The following GPC3 variants were observed in gnomAD, a reference collection of about 807,000 sequenced individuals.
GPC3 encodes glypican 3.
In GPC3, 3 loss-of-function variants were observed where a neutral mutation model predicts 34.4. The observed-to-expected ratio is 0.09, with a 90% CI of 0.04 to 0.23. The LOEUF is 0.23. Among genes scored for constraint, GPC3 ranks in the 10% least tolerant of loss-of-function variants. The pLI, the probability that GPC3 is intolerant of heterozygous loss-of-function variation, is 1.00. For missense variants in GPC3, 351 were observed against 445.6 expected, an observed-to-expected ratio of 0.79 and a Z score of 1.91; for synonymous variants, 177 against 174.0, an observed-to-expected ratio of 1.02 and a Z score of -0.13.
chrX:133,570,254 T>C (rs1432365874), intron 7 of GPC3, among the ~76,000 whole-genome samples: 1 of 110,106 alleles, frequency 9.1e-6, no homozygotes, highest in Non-Finnish European at 1.9e-5. Flanking sequence ...CAGGCTGGAG[T>C]GCAATGGCGT....
intron 6 of GPC3, among the ~76,000 whole-genome samples, chrX:133,652,034 G>A (rs2070609287): frequency 8.9e-6 from 1 of 111,960 alleles, no homozygotes; most frequent in Non-Finnish European, 1.9e-5. Context: ...TTGCTTCCAA[G>A]AGCTCATGCT....
chrX:133,797,603 C>T (rs974334686), intron 2 of GPC3, among the ~76,000 whole-genome samples: 6 of 111,098 alleles, frequency 5.4e-5, no homozygotes, highest in African/African-American at 9.8e-5. Flanking sequence ...CCAAGGCAGG[C>T]GGATCACTTG....
intron 2 of GPC3, among the ~76,000 whole-genome samples, chrX:133,790,572 C>T (rs2072150614): frequency 9.0e-6 from 1 of 111,514 alleles, no homozygotes; most frequent in African/African-American, 3.3e-5. Flanking sequence ...TCCAAAAATG[C>T]TGACTTAAAA....
chrX:133,776,176 A>G (rs1427231324), intron 2 of GPC3, among the ~76,000 whole-genome samples: 2 of 112,020 alleles, frequency 1.8e-5, no homozygotes, highest in Non-Finnish European at 3.8e-5. Context: ...TATATAGCAG[A>G]AAACTGAGGA....
At chrX:133,947,934 TC>T (rs1027143193) in intron 2 of GPC3, among the ~76,000 whole-genome samples, 18 of 111,546 alleles carry the variant, frequency 1.6e-4, no homozygotes, top group African/African-American at 5.9e-4. Context: ...AATTATTCTC[TC>T]CCATACATTA....
chrX:133,925,934 C>A (rs2076272946), intron 2 of GPC3, among the ~76,000 whole-genome samples: 1 of 111,387 alleles, frequency 9.0e-6, no homozygotes, highest in African/African-American at 3.3e-5. Flanking sequence ...AACATAAGAA[C>A]TAGCAACTAA....
chrX:133,648,092 T>C (rs184235798), intron 6 of GPC3, among the ~76,000 whole-genome samples: 37 of 112,001 alleles, frequency 3.3e-4, no homozygotes, highest in Admixed American at 6.6e-4. Context: ...CAGCCTCTCC[T>C]ATGTCCTGGC....
intron 2 of GPC3, among the ~76,000 whole-genome samples, chrX:133,882,754 A>C (rs763286318): frequency 8.9e-6 from 1 of 111,935 alleles, no homozygotes; most frequent in African/African-American, 3.2e-5. Context: ...CAACTTCTGC[A>C]AAGAGGAAGG....
chrX:133,918,072 C>T (rs758088758), intron 2 of GPC3, among the ~76,000 whole-genome samples: 1 of 111,912 alleles, frequency 8.9e-6, no homozygotes, highest in East Asian at 2.8e-4. Flanking sequence ...AAATTGTATC[C>T]AGGGTTAGAA....
intron 2 of GPC3, among the ~76,000 whole-genome samples, chrX:133,792,721 C>T (rs1232841466): frequency 9.0e-6 from 1 of 111,622 alleles, no homozygotes; most frequent in Non-Finnish European, 1.9e-5. Context: ...ATGTCAGGAC[C>T]GGCGCCTAAC....
chrX:133,585,555 C>T (rs781203959), intron 7 of GPC3, among the ~76,000 whole-genome samples: 1 of 111,896 alleles, frequency 8.9e-6, no homozygotes, highest in Non-Finnish European at 1.9e-5. Flanking sequence ...TCTCTTTCTG[C>T]TATGCTATTT....
intron 6 of GPC3, among the ~76,000 whole-genome samples, chrX:133,605,043 C>T (rs1007210569): frequency 8.9e-6 from 1 of 111,805 alleles, no homozygotes; most frequent in Non-Finnish European, 1.9e-5. Flanking sequence ...CGTGCACACT[C>T]TCTTTGAACG....
In GPC3 at chrX:133,762,983, G is replaced by A. The variant is rs1362975199; in HGVS notation, c.338-8807C>T. 9 of 691,740 alleles carry A rather than the reference G, an allele frequency of 1.3e-5. No homozygotes were observed. In the East Asian group the frequency reaches 2.6e-4, roughly 20 times the overall value. 57.0% of individuals were successfully genotyped at this position (691,740 alleles called of 1,213,427 possible). A position where few individuals can be genotyped will look rare whatever the true frequency, so the allele number is the denominator to read the frequency against. On this transcript the variant is annotated intron_variant, in intron 2 of 7. Coordinates refer to ENST00000370818, the MANE Select transcript of GPC3 (RefSeq NM_004484.4). ...TGGGAGAATCTTCTGCTGGCAGCTC[G>A]TACCATTGTTGCCATTGAAAACCCT...
intron 5 of GPC3, among the ~76,000 whole-genome samples, chrX:133,676,616 C>T (rs1159886114): frequency 8.9e-6 from 1 of 112,432 alleles, no homozygotes; most frequent in African/African-American, 3.2e-5. Flanking sequence ...CCTGCTGGAA[C>T]AAGTGGCCTA....
At chrX:133,624,864 A>T (rs1472868383) in intron 6 of GPC3, among the ~76,000 whole-genome samples, 2 of 111,410 alleles carry the variant, frequency 1.8e-5, no homozygotes, top group Non-Finnish European at 3.8e-5. Flanking sequence ...ACAAAAAAAA[A>T]AAGAGAATTT....
chrX:133,729,920 T>C (rs1489809060), intron 3 of GPC3, among the ~76,000 whole-genome samples: 1 of 112,617 alleles, frequency 8.9e-6, no homozygotes, highest in Non-Finnish European at 1.9e-5. Flanking sequence ...TTCTGTAATA[T>C]AGACCAAAGT....
intron 5 of GPC3, among the ~76,000 whole-genome samples, chrX:133,680,868 C>T (rs1307598222): frequency 3.6e-5 from 4 of 111,742 alleles, no homozygotes; most frequent in African/African-American, 6.5e-5. Flanking sequence ...GCCAGCCTAG[C>T]GCACACCCTT....
intron 2 of GPC3, among the ~76,000 whole-genome samples, chrX:133,879,133 C>T (rs1395562750): frequency 2.7e-5 from 3 of 111,023 alleles, no homozygotes; most frequent in Non-Finnish European, 5.7e-5. Context: ...TGTCATAGTA[C>T]ATCCAGGGAG....
At chrX:133,762,392 T>C (rs1187161423) in intron 2 of GPC3, among the ~76,000 whole-genome samples, 1 of 112,121 alleles carries the variant, frequency 8.9e-6, no homozygotes, top group Non-Finnish European at 1.9e-5. Context: ...AAAGAGCTTC[T>C]GCAAAGCAAA....
Sources: allele counts gnomAD v4.1 joint callset (sites outside exome capture counted in the v4.1 genomes callset), GRCh38; gene constraint gnomAD v4.1.1; transcripts MANE v1.5; gene names NCBI Gene and HGNC (gene_info 2026-07-23, HGNC 2026-07-21).